Variants in PIK3AP1 observed in about 807,000 individuals in gnomAD.
PIK3AP1 encodes the protein phosphoinositide-3-kinase adaptor protein 1.
PIK3AP1 carries 21 observed loss-of-function variants against 88.1 expected under a neutral mutation model. The observed-to-expected ratio is 0.24, with a 90% CI of 0.17 to 0.34. The LOEUF is 0.34. Among genes scored for constraint, PIK3AP1 ranks in the 10% least tolerant of loss-of-function variants. PIK3AP1 has a pLI of 1.00. For synonymous variants in PIK3AP1, 398 were observed against 400.0 expected (o/e 1.00, Z 0.06); for missense variants, 828 against 1,035.7 (o/e 0.80, Z 2.75).
chr10:96,703,034 G>A (rs754476819), intron 2 of PIK3AP1, among the ~76,000 whole-genome samples: 11 of 151,986 alleles, frequency 7.2e-5, no homozygotes, highest in African/African-American at 1.5e-4. Context: ...ATGCCACCAC[G>A]TCCAGCTAAT....
chr10:96,598,451 A>G (rs1237167555), intron 16 of PIK3AP1, among the ~76,000 whole-genome samples: 1 of 152,082 alleles, frequency 6.6e-6, no homozygotes, highest in Non-Finnish European at 1.5e-5. Flanking sequence ...CGGAAGTCCA[A>G]CCCAAACAGT....
intron 2 of PIK3AP1, among the ~76,000 whole-genome samples, chr10:96,678,790 T>C (rs1158359144): frequency 1.3e-5 from 2 of 152,232 alleles, no homozygotes; most frequent in African/African-American, 2.4e-5. Context: ...TAGTCCTTTG[T>C]ATGTAGTGTT....
At chr10:96,636,093 C>T in intron 8 of PIK3AP1, among the ~76,000 whole-genome samples, 1 of 151,606 alleles carries the variant, frequency 6.6e-6, no homozygotes, top group Non-Finnish European at 1.5e-5. Flanking sequence ...GTGGCGTGCA[C>T]CAGTAATCTC....
At chr10:96,683,536 A>G (rs1354196491) in intron 2 of PIK3AP1, among the ~76,000 whole-genome samples, 3 of 152,236 alleles carry the variant, frequency 2.0e-5, no homozygotes, top group Non-Finnish European at 4.4e-5. Context: ...CACCCATCTC[A>G]TCACTTCTAT....
chr10:96,706,489 T>A (rs997641181), intron 2 of PIK3AP1, among the ~76,000 whole-genome samples: 1 of 151,878 alleles, frequency 6.6e-6, no homozygotes, highest in African/African-American at 2.4e-5. Flanking sequence ...CTAAGCTTCC[T>A]GGGAGTCAAA....
intron 7 of PIK3AP1, among the ~76,000 whole-genome samples, chr10:96,648,076 C>T (rs916908442): frequency 2.2e-4 from 33 of 152,152 alleles, no homozygotes; most frequent in African/African-American, 7.2e-4. Context: ...AAAGAGAGAG[C>T]GAGGCTGTCA....
At chr10:96,679,454 G>A (rs1322965967) in intron 2 of PIK3AP1, among the ~76,000 whole-genome samples, 1 of 151,994 alleles carries the variant, frequency 6.6e-6, no homozygotes, top group Non-Finnish European at 1.5e-5. Context: ...CTTGGACCTG[G>A]GAGGCGGAAG....
rs2134207219 is a variant in PIK3AP1 at position 96,626,701 on chromosome 10, T to C, written c.1669+7A>G. The stretch of plus-strand genomic sequence containing the variant: ...CCCAGTTGGACATCATTCCCTGCCA[T>C]ACTTGCCTTTAAAAATGTATGGTTC... On this transcript the variant is annotated splice_region_variant and intron_variant, in intron 10 of 16. Transcript: ENST00000339364. 6.2e-7 allele frequency: 1 copy of C among 1,613,550 alleles called. No individual in the cohort carries two copies. The highest frequency in any genetic ancestry group is 1.1e-5 in the South Asian group (1 of 91,068).
chr10:96,645,373 G>C, intron 8 of PIK3AP1, 100 bp downstream of exon 8: 1 of 1,196,442 alleles, frequency 8.4e-7, no homozygotes, highest in South Asian at 1.4e-5. Context: ...CTGGGGTGAA[G>C]TGAGGGTACA....
At chr10:96,700,007 G>T (rs976042982) in intron 2 of PIK3AP1, among the ~76,000 whole-genome samples, 4 of 152,162 alleles carry the variant, frequency 2.6e-5, no homozygotes, top group African/African-American at 9.7e-5. Flanking sequence ...GTAAGAAATT[G>T]ACCGATAAAA....
intron 8 of PIK3AP1, among the ~76,000 whole-genome samples, chr10:96,629,806 A>C (rs547203530): frequency 6.9e-6 from 1 of 145,624 alleles, no homozygotes; most frequent in Admixed American, 7.0e-5. Context: ...AACTGGGAGG[A>C]TTGCTTGGGC....
At position 96,595,454 on chromosome 10, in the gene PIK3AP1, C is replaced by A; in HGVS notation, c.*123G>T. On this transcript the variant is annotated 3_prime_UTR_variant, in exon 17 of 17. Transcript: ENST00000339364. Reference sequence around the variant, plus strand: ...CAAACCAGCAGGGCTGCAGCATTATCAGCAATGAGAATGGATCTTAAGGTC... The same window carrying A: ...CAAACCAGCAGGGCTGCAGCATTATAAGCAATGAGAATGGATCTTAAGGTC... The A allele has an allele frequency of 2.8e-6, 3 of 1,080,652 alleles. No individual in the cohort carries two copies. The highest frequency in any genetic ancestry group is 2.7e-6 in the Non-Finnish European group (2 of 730,772). The allele number at this position is 1,080,652 out of a possible 1,614,324, so 66.9% of individuals were successfully genotyped here.
intron 2 of PIK3AP1, among the ~76,000 whole-genome samples, chr10:96,692,707 G>A (rs1844170074): frequency 1.3e-5 from 2 of 152,186 alleles, no homozygotes; most frequent in African/African-American, 4.8e-5. Context: ...TGGGGTTTTA[G>A]AATTAGCCTA....
chr10:96,600,259 C>A (rs1446261765), intron 16 of PIK3AP1, among the ~76,000 whole-genome samples: 1 of 152,200 alleles, frequency 6.6e-6, no homozygotes, highest in Non-Finnish European at 1.5e-5. Flanking sequence ...CACTAAATAC[C>A]TACGTCTTAG....
At chr10:96,615,910 T>C (rs750338197) in intron 13 of PIK3AP1, among the ~76,000 whole-genome samples, 9 of 103,896 alleles carry the variant, frequency 8.7e-5, no homozygotes, top group Non-Finnish European at 1.4e-4. Context: ...TGGTTCTTCA[T>C]GTAATAGGGC....
At position 96,626,765 on chromosome 10, in the gene PIK3AP1, C is replaced by G. The variant is rs1843159319; in HGVS notation, c.1612G>C (p.Glu538Gln). The G allele has an allele frequency of 1.2e-6, 2 of 1,614,114 alleles. No homozygotes were observed. The highest frequency in any genetic ancestry group is 2.7e-5 in the African/African-American group (2 of 74,938). Reference protein sequence around the residue: ...SRPPVPVPRPETTAPGAHQLP... With the variant: ...SRPPVPVPRPQTTAPGAHQLP... ...TGGTGAGCACCAGGAGCAGTGGTCT[C>G]TGGTCTGGGCACTGGGACAGGGGGC... The change falls in exon 10 of 17, where the codon GAG becomes CAG. Residue 538 changes from glutamate to glutamine, a missense_variant. Physicochemically the swap from Glu to Gln is conservative, Grantham distance 29. Around this residue, in one of 3 missense-constraint regions of PIK3AP1, gnomAD observed 610 missense variants for 760.1 expected, o/e 0.80. Transcript: ENST00000339364.
intron 2 of PIK3AP1, among the ~76,000 whole-genome samples, chr10:96,679,148 T>C (rs920130363): frequency 2.6e-5 from 4 of 152,230 alleles, no homozygotes; most frequent in African/African-American, 9.6e-5. Context: ...TCAAGGATTT[T>C]TTTTTATCAT....
chr10:96,613,027 C>T (rs1366770299), intron 13 of PIK3AP1, among the ~76,000 whole-genome samples: 1 of 122,376 alleles, frequency 8.2e-6, no homozygotes, highest in African/African-American at 3.4e-5. Context: ...GAGACAGAGT[C>T]TCGCACTGTC....
chr10:96,679,691 A>C (rs1843974275), intron 2 of PIK3AP1, among the ~76,000 whole-genome samples: 1 of 152,166 alleles, frequency 6.6e-6, no homozygotes, highest in African/African-American at 2.4e-5. Context: ...CCCAGCATTC[A>C]GGCAGGTTTG....
Sources: gnomAD v4.1 joint callset for allele counts (sites outside exome capture counted in the v4.1 genomes callset) on GRCh38, gnomAD v4.1.1 for gene constraint, gnomAD v4.1.1 regional missense constraint, MANE v1.5 for transcripts, NCBI Gene and HGNC (gene_info 2026-07-23, HGNC 2026-07-21) for gene names.